Variants in BORCS5 observed in about 807,000 individuals in gnomAD.
BORCS5 encodes the protein BLOC-1-related complex subunit 5.
Under a neutral mutation model 22.1 loss-of-function variants are expected in BORCS5, and 17 were observed. The ratio of observed to expected loss-of-function variants is 0.77; its 90% CI spans 0.53 to 1.15. The LOEUF (loss-of-function observed/expected upper bound fraction) is 1.15, where lower values mean the gene tolerates loss of function less well. BORCS5 is among the 50% of genes most tolerant of loss of function. The probability of loss-of-function intolerance (pLI) is 0.00; values close to 1 mark genes in which losing one functional copy is unlikely to be tolerated. For missense variants in BORCS5, 247 were observed against 253.2 expected (o/e 0.98, Z 0.17); for synonymous variants, 117 against 99.8 (o/e 1.17, Z -1.03).
At chr12:12,410,584 A>G (rs1941707716) in intron 2 of BORCS5, among the ~76,000 whole-genome samples, 2 of 152,010 alleles carry the variant, frequency 1.3e-5, no homozygotes, top group South Asian at 2.1e-4. Context: ...CCATTGGTCT[A>G]TATCTCTGTT....
chr12:12,462,769 G>A (rs1421821856), intron 3 of BORCS5, among the ~76,000 whole-genome samples: 2 of 152,090 alleles, frequency 1.3e-5, no homozygotes, highest in Admixed American at 6.5e-5. Context: ...CGATTCTCCT[G>A]CCTCAGCCTC....
At position 12,382,842 on chromosome 12, in the gene BORCS5, C is replaced by CT. The variant is rs549114758; in HGVS notation, c.202+21500dup. ...GCCACCGTGCCCAGTGGGTATGTAT[C>CT]TTTTTTTATCTGTTTGCTTTCAACT... On this transcript the variant is annotated intron_variant, in intron 2 of 3. Transcript: ENST00000314565. Among the ~76,000 whole-genome samples, 1,298 of 151,040 alleles carry CT rather than the reference C, an allele frequency of 8.6e-3. 46 individuals carry two copies. Among genetic ancestry groups the CT allele is most frequent in the South Asian group, 0.017 (80 of 4,760 alleles).
intron 2 of BORCS5, among the ~76,000 whole-genome samples, chr12:12,373,326 T>C (rs974017665): frequency 2.6e-5 from 4 of 152,206 alleles, no homozygotes; most frequent in African/African-American, 4.8e-5. Context: ...GTTTATGGTA[T>C]TCTTGTTGTA....
intron 2 of BORCS5, among the ~76,000 whole-genome samples, chr12:12,431,607 G>T (rs1182006698): frequency 6.6e-6 from 1 of 151,474 alleles, no homozygotes. Context: ...TCACCATGTT[G>T]GCCAGGATGG....
intron 2 of BORCS5, among the ~76,000 whole-genome samples, chr12:12,431,244 AC>A (rs974578266): frequency 2.2e-4 from 34 of 152,038 alleles, no homozygotes; most frequent in African/African-American, 8.0e-4. Flanking sequence ...TTTCGTTTTT[AC>A]CAATTTGACA....
intron 2 of BORCS5, among the ~76,000 whole-genome samples, chr12:12,427,604 CTTA>C (rs1271867633): frequency 6.6e-6 from 1 of 152,122 alleles, no homozygotes; most frequent in Non-Finnish European, 1.5e-5. Context: ...TCGAAAATTT[CTTA>C]TTGTTTTTGG....
At position 12,393,531 on chromosome 12, in the gene BORCS5, G is replaced by GT. The variant is rs780038156; in HGVS notation, c.202+32188dup. Among the ~76,000 whole-genome samples the GT allele has an allele frequency of 1.5e-3, 232 of 151,438 alleles. 1 individual carries two copies. The highest frequency in any genetic ancestry group is 2.7e-3 in the Non-Finnish European group (182 of 67,892). ...CTGCTTTTAAGTGTTTTTGTTTTTT[G>GT]TTTTTTCAGATAGGGTCTCACTCTG... is the stretch of plus-strand genomic sequence containing the variant. On this transcript the variant is annotated intron_variant, in intron 2 of 3. Coordinates refer to ENST00000314565, the MANE Select transcript of BORCS5 (RefSeq NM_058169.6).
intron 2 of BORCS5, among the ~76,000 whole-genome samples, chr12:12,407,183 A>G (rs1182775741): frequency 1.3e-5 from 2 of 152,216 alleles, no homozygotes; most frequent in African/African-American, 4.8e-5. Context: ...ATAATTTTGA[A>G]GTAGTCCTGA....
chr12:12,368,800 G>A (rs558031870), intron 2 of BORCS5, among the ~76,000 whole-genome samples: 9 of 151,976 alleles, frequency 5.9e-5, no homozygotes, highest in South Asian at 4.2e-4. Context: ...CTATACAGTC[G>A]CTTTAAATTC....
chr12:12,378,333 C>A (rs1328701553), intron 2 of BORCS5, among the ~76,000 whole-genome samples: 1 of 152,156 alleles, frequency 6.6e-6, no homozygotes, highest in African/African-American at 2.4e-5. Flanking sequence ...GATCGTGCCA[C>A]TGAACTGCAG....
intron 3 of BORCS5, among the ~76,000 whole-genome samples, chr12:12,438,595 G>T (rs905228819): frequency 1.2e-4 from 19 of 152,192 alleles, no homozygotes; most frequent in African/African-American, 3.6e-4. Context: ...TTACTCGGAA[G>T]TTTTTTCCTC....
At chr12:12,446,482 C>G (rs1942793416) in intron 3 of BORCS5, among the ~76,000 whole-genome samples, 1 of 152,164 alleles carries the variant, frequency 6.6e-6, no homozygotes, top group Non-Finnish European at 1.5e-5. Flanking sequence ...TTACTATCAC[C>G]CTGCTCACTG....
At chr12:12,418,555 C>T (rs941481681) in intron 2 of BORCS5, among the ~76,000 whole-genome samples, 6 of 152,046 alleles carry the variant, frequency 3.9e-5, no homozygotes, top group South Asian at 2.1e-4. Context: ...GGTGTGATAG[C>T]GCATGTCTGT....
chr12:12,393,450 C>T (rs1336421117), intron 2 of BORCS5, among the ~76,000 whole-genome samples: 1 of 152,076 alleles, frequency 6.6e-6, no homozygotes, highest in Non-Finnish European at 1.5e-5. Flanking sequence ...AGTTTTCCCA[C>T]ACCCTATCCT....
intron 3 of BORCS5, among the ~76,000 whole-genome samples, chr12:12,448,527 C>CTTTTTTTTTTTT (rs34937700): frequency 2.1e-5 from 3 of 142,404 alleles, no homozygotes. Flanking sequence ...GTCTTCAATT[C>CTTTTTTTTTTTT]TTTTTTTTTT....
intron 2 of BORCS5, among the ~76,000 whole-genome samples, chr12:12,423,405 C>T (rs1207585958): frequency 7.0e-6 from 1 of 143,608 alleles, no homozygotes; most frequent in Non-Finnish European, 1.5e-5. Context: ...GCATTTCTTG[C>T]AGGGCAGGTC....
chr12:12,365,423 T>C (rs943143482), intron 2 of BORCS5, among the ~76,000 whole-genome samples: 1 of 151,414 alleles, frequency 6.6e-6, no homozygotes, highest in African/African-American at 2.4e-5. Context: ...CCAGTGCTCC[T>C]CCCACCTTAG....
At chr12:12,416,779 C>CTTTTT (rs36106735) in intron 2 of BORCS5, among the ~76,000 whole-genome samples, 2 of 112,214 alleles carry the variant, frequency 1.8e-5, no homozygotes, top group Non-Finnish European at 1.8e-5. Context: ...TTAATGTAAA[C>CTTTTT]TTTTTTTTTT....
chr12:12,408,455 A>C (rs1278861438), intron 2 of BORCS5, among the ~76,000 whole-genome samples: 1 of 152,232 alleles, frequency 6.6e-6, no homozygotes, highest in Non-Finnish European at 1.5e-5. Context: ...AGTGGTATTA[A>C]GTACATTGAG....
Sources: allele counts gnomAD v4.1 joint callset (sites outside exome capture counted in the v4.1 genomes callset), GRCh38; gene constraint gnomAD v4.1.1; transcripts MANE v1.5; gene names NCBI Gene and HGNC (gene_info 2026-07-23, HGNC 2026-07-21).